CREB5: variants seen among roughly 807,000 people sequenced by gnomAD.
CREB5 encodes cAMP responsive element binding protein 5.
Under a neutral mutation model 57.1 loss-of-function variants are expected in CREB5, and 19 were observed. The observed-to-expected ratio is 0.33, with a 90% confidence interval of 0.23 to 0.49. The LOEUF (loss-of-function observed/expected upper bound fraction) is 0.49, where lower values mean the gene tolerates loss of function less well. CREB5 is among the 20% of genes least tolerant of loss of function. CREB5 has a pLI of 0.99. For missense variants in CREB5, 579 were observed against 671.6 expected (o/e 0.86, Z 1.52); for synonymous variants, 238 against 238.3 (o/e 1.00, Z 0.01).
intron 1 of CREB5, among the ~76,000 whole-genome samples, chr7:28,373,623 A>G (rs931647166): frequency 6.6e-6 from 1 of 151,228 alleles, no homozygotes; most frequent in Non-Finnish European, 1.5e-5. Flanking sequence ...ATGAGATTTC[A>G]CCATGTTACC....
intron 5 of CREB5, among the ~76,000 whole-genome samples, chr7:28,574,761 T>C (rs1441424990): frequency 6.6e-6 from 1 of 152,224 alleles, no homozygotes; most frequent in Non-Finnish European, 1.5e-5. Context: ...GTTAAGAGAA[T>C]GAATTGGCCA....
chr7:28,748,626 A>G (rs1235063294), intron 7 of CREB5, among the ~76,000 whole-genome samples: 1 of 152,222 alleles, frequency 6.6e-6, no homozygotes, highest in Non-Finnish European at 1.5e-5. Context: ...AGACTTCAGT[A>G]TCTGTGGAAC....
intron 5 of CREB5, among the ~76,000 whole-genome samples, chr7:28,590,813 C>T (rs971968121): frequency 2.6e-5 from 4 of 151,894 alleles, no homozygotes; most frequent in Non-Finnish European, 5.9e-5. Flanking sequence ...AAGATATTGC[C>T]CTCCAAGCCT....
chr7:28,421,198 A>G (rs747844951), intron 1 of CREB5, among the ~76,000 whole-genome samples: 8 of 152,078 alleles, frequency 5.3e-5, no homozygotes, highest in Non-Finnish European at 1.2e-4. Context: ...CTGCCTTTAC[A>G]TACCCCATAG....
chr7:28,741,224 C>T (rs1013987924), intron 7 of CREB5, among the ~76,000 whole-genome samples: 2 of 152,274 alleles, frequency 1.3e-5, no homozygotes, highest in African/African-American at 4.8e-5. Flanking sequence ...TCATTCAGAA[C>T]TCAAAACACA....
At chr7:28,800,993 G>A (rs1808330099) in intron 7 of CREB5, among the ~76,000 whole-genome samples, 1 of 152,176 alleles carries the variant, frequency 6.6e-6, no homozygotes. Context: ...TTGTTCTGAG[G>A]ATTAGGTAGC....
intron 4 of CREB5, among the ~76,000 whole-genome samples, chr7:28,516,811 A>G (rs1792980885): frequency 6.6e-6 from 1 of 152,202 alleles, no homozygotes; most frequent in African/African-American, 2.4e-5. Context: ...GCCAGGCTGC[A>G]ATTTCAAGGT....
intron 7 of CREB5, among the ~76,000 whole-genome samples, chr7:28,760,430 A>C (rs561293960): frequency 6.6e-6 from 1 of 152,336 alleles, no homozygotes; most frequent in South Asian, 2.1e-4. Flanking sequence ...TACCACCTTG[A>C]AGATCCCAGA....
chr7:28,462,580 C>T (rs1458198661), intron 1 of CREB5, among the ~76,000 whole-genome samples: 1 of 152,168 alleles, frequency 6.6e-6, no homozygotes, highest in Non-Finnish European at 1.5e-5. Flanking sequence ...TCATCACCAA[C>T]ACTTTCCGGG....
chr7:28,457,078 G>A (rs763378956), intron 1 of CREB5, among the ~76,000 whole-genome samples: 4 of 152,138 alleles, frequency 2.6e-5, no homozygotes, highest in African/African-American at 4.8e-5. Flanking sequence ...GAGAACACTC[G>A]AGACAGAGAG....
In CREB5 at chr7:28,510,503, A is replaced by C. The variant is rs546121104; in HGVS notation, c.291+2766A>C. 2.6e-5 allele frequency among the ~76,000 whole-genome samples: 4 copies of C among 152,334 alleles called. No homozygotes were observed. The East Asian group carries it at 7.7e-4, about 29-fold the overall frequency. On this transcript the variant is annotated intron_variant, in intron 4 of 10. Coordinates refer to ENST00000357727, the MANE Select transcript of CREB5 (RefSeq NM_182898.4). ...GTGTCTTACACAAAAAATATTGGAAAGATTGGACTGGTTCTGCACACCACC... is the reference window on the plus strand; with the variant it reads ...GTGTCTTACACAAAAAATATTGGAACGATTGGACTGGTTCTGCACACCACC...
intron 7 of CREB5, among the ~76,000 whole-genome samples, chr7:28,725,349 G>A (rs1273597007): frequency 6.6e-6 from 1 of 152,178 alleles, no homozygotes; most frequent in Non-Finnish European, 1.5e-5. Flanking sequence ...CTTTCTCTTG[G>A]AAACTTCACG....
intron 10 of CREB5, 26 bp downstream of exon 10, chr7:28,818,205 C>T: frequency 6.5e-7 from 1 of 1,527,228 alleles, no homozygotes; most frequent in Non-Finnish European, 9.0e-7. Context: ...TTTCACTTTT[C>T]TTTAGTGTCC....
At position 28,724,217 on chromosome 7, in the gene CREB5, CTT is replaced by C; in HGVS notation, c.592-4_592-3del. Reference sequence around the variant, plus strand: ...CTTCTAATTCTTTTCTTTCCTTTCTCTTAGATGGAGCGACAAATGTCAGTGAA... The same window carrying C: ...CTTCTAATTCTTTTCTTTCCTTTCTCAGATGGAGCGACAAATGTCAGTGAA... On this transcript the variant is annotated splice_region_variant and splice_polypyrimidine_tract_variant and intron_variant, in intron 6 of 10. Coordinates refer to ENST00000357727, the MANE Select transcript of CREB5 (RefSeq NM_182898.4). The C allele has an allele frequency of 1.2e-6, 2 of 1,611,750 alleles. No homozygotes were observed. The highest frequency in any genetic ancestry group is 1.7e-6 in the Non-Finnish European group (2 of 1,179,254).
At chr7:28,728,873 T>C (rs559143381) in intron 7 of CREB5, among the ~76,000 whole-genome samples, 170 of 152,336 alleles carry the variant, frequency 1.1e-3, no homozygotes, top group South Asian at 2.9e-3. Flanking sequence ...TTGACTTCAT[T>C]TGATTTCTTT....
chr7:28,688,902 A>T (rs1004221225), intron 5 of CREB5, among the ~76,000 whole-genome samples: 1 of 152,042 alleles, frequency 6.6e-6, no homozygotes, highest in African/African-American at 2.4e-5. Context: ...TTGGCTCCGA[A>T]TTGTTCACTC....
At chr7:28,496,258 C>G (rs1460475766) in intron 3 of CREB5, among the ~76,000 whole-genome samples, 1 of 152,206 alleles carries the variant, frequency 6.6e-6, no homozygotes, top group Non-Finnish European at 1.5e-5. Context: ...CTTAGCACAC[C>G]TATGGATATG....
intron 5 of CREB5, among the ~76,000 whole-genome samples, chr7:28,659,500 A>G (rs1280336750): frequency 6.6e-6 from 1 of 152,228 alleles, no homozygotes; most frequent in East Asian, 1.9e-4. Context: ...AGAGAGCACA[A>G]AGCCCTAAAC....
intron 5 of CREB5, among the ~76,000 whole-genome samples, chr7:28,602,618 A>G (rs535208479): frequency 1.2e-4 from 18 of 152,330 alleles, no homozygotes; most frequent in African/African-American, 4.3e-4. Flanking sequence ...TCAAAAGATT[A>G]TATGCTATAT....
Sources: gnomAD v4.1 joint callset for allele counts (sites outside exome capture counted in the v4.1 genomes callset) on GRCh38, gnomAD v4.1.1 for gene constraint, MANE v1.5 for transcripts, NCBI Gene and HGNC (gene_info 2026-07-23, HGNC 2026-07-21) for gene names.